The following MIAT variants were observed in gnomAD, a reference collection of about 807,000 sequenced individuals.
MIAT encodes the protein myocardial infarction associated transcript.
chr22:26,657,249 A>C (rs1367661441), intron 2 of MIAT: 3 of 356,504 alleles, frequency 8.4e-6, no homozygotes, highest in East Asian at 4.1e-5. Context: ...GGGATGCGGG[A>C]GGCTGAGCGC....
downstream of MIAT, chr22:26,672,960 G>T: frequency 2.5e-6 from 1 of 398,598 alleles, no homozygotes; most frequent in African/African-American, 2.1e-5. Flanking sequence ...CCCCTCTCTG[G>T]AGCCGAGAGA....
rs553989889 is a variant in MIAT at position 26,652,874 on chromosome 22, G to T, written n.646+5563G>T. Among the ~76,000 whole-genome samples, 4 of 152,276 alleles carry T rather than the reference G, an allele frequency of 2.6e-5. No homozygotes were observed. The South Asian group carries it at 8.3e-4, about 32-fold the overall frequency. On this transcript the variant is annotated intron_variant and non_coding_transcript_variant, in intron 2 of 5. Transcript: ENST00000643270. ...TCATGCAGAGCAGGAATACTGACGT[G>T]TCTCTTTGGGGTACTCTTATCTTAT...
chr22:26,673,772 G>C, downstream of MIAT: 1 of 398,692 alleles, frequency 2.5e-6, no homozygotes, highest in Non-Finnish European at 4.4e-6. Context: ...TCAGAAGTCG[G>C]TAAAGATGGT....
chr22:26,657,674 T>C (rs1478203122), intron 2 of MIAT: 5 of 398,656 alleles, frequency 1.3e-5, no homozygotes, highest in Admixed American at 8.8e-5. Context: ...CGCCCCATCC[T>C]AGAAGCCTTC....
chr22:26,648,558 TG>T (rs66800358), intron 2 of MIAT, among the ~76,000 whole-genome samples: 36,215 of 114,012 alleles, frequency 0.32, 4,631 homozygotes, highest in East Asian at 0.42. Flanking sequence ...GATGGGGTTT[TG>T]TTTTTTTTTT....
At chr22:26,672,019 C>T (rs1963778746), downstream of MIAT, 2 of 398,924 alleles carry the variant, frequency 5.0e-6, no homozygotes, top group South Asian at 1.3e-4. Flanking sequence ...CTGTAGGCAG[C>T]TCTTTTGTTC....
exon 5 of MIAT, chr22:26,674,658 AAG>A: frequency 2.5e-6 from 1 of 398,652 alleles, no homozygotes; most frequent in Non-Finnish European, 4.4e-6. Context: ...ATGTCTTAGA[AAG>A]AGCTTTGAGA....
downstream of MIAT, chr22:26,669,769 C>A (rs1930978783): frequency 2.5e-6 from 1 of 398,782 alleles, no homozygotes; most frequent in African/African-American, 2.1e-5. Context: ...AGGTACCATG[C>A]TGGGGTGGCT....
chr22:26,673,962 C>CA (rs1472976931), downstream of MIAT: 1 of 398,526 alleles, frequency 2.5e-6, no homozygotes, highest in African/African-American at 2.1e-5. Context: ...CTTATAGCTA[C>CA]AGTAGTTTGC....
chr22:26,672,669 C>A, downstream of MIAT: 3 of 398,948 alleles, frequency 7.5e-6, no homozygotes, highest in Non-Finnish European at 8.8e-6. Context: ...ACGAGGGGGG[C>A]GTATCCCACG....
intron 2 of MIAT, among the ~76,000 whole-genome samples, chr22:26,660,307 C>G (rs1009558983): frequency 1.3e-5 from 2 of 151,286 alleles, no homozygotes; most frequent in Non-Finnish European, 3.0e-5. Context: ...CCCTGTCTTA[C>G]TAAAAATACA....
At chr22:26,647,254 G>T in exon 2 of MIAT, 1 of 398,422 alleles carries the variant, frequency 2.5e-6, no homozygotes, top group Non-Finnish European at 4.4e-6. Flanking sequence ...TATGTGGAAG[G>T]CCTCCGGGGT....
downstream of MIAT, chr22:26,672,910 G>A (rs1931106175): frequency 2.5e-6 from 1 of 398,390 alleles, no homozygotes; most frequent in Non-Finnish European, 4.4e-6. Context: ...GTCAGTGAGA[G>A]GACTCTTTCC....
In MIAT at chr22:26,649,862, G is replaced by A. The variant is rs193262959; in HGVS notation, n.646+2551G>A. On this transcript the variant is annotated intron_variant and non_coding_transcript_variant, in intron 2 of 5. Coordinates refer to ENST00000643270, the Ensembl canonical transcript of MIAT. ...TGGGAGGCAGAGCTTGTAGTGAGCC[G>A]AGATCATGCCACTGCATTCCAGCCT... Among the ~76,000 whole-genome samples the A allele has an allele frequency of 3.1e-3, 470 of 152,302 alleles. 1 individual carries two copies. Among genetic ancestry groups the A allele is most frequent in the Non-Finnish European group, 5.3e-3 (358 of 68,020 alleles).
intron 2 of MIAT, among the ~76,000 whole-genome samples, chr22:26,647,952 C>T (rs756942233): frequency 1.3e-5 from 2 of 152,074 alleles, no homozygotes; most frequent in Non-Finnish European, 2.9e-5. Context: ...TGTAAAGTCT[C>T]CTGCAGAGCT....
rs58654108 is a variant in MIAT at position 26,661,917 on chromosome 22, C to CATATAT, written n.647-1359_647-1354dup. On this transcript the variant is annotated intron_variant and non_coding_transcript_variant, in intron 2 of 5. Transcript: ENST00000643270. The stretch of plus-strand genomic sequence containing the variant: ...ATATATATATGGATCTATATAGATC[C>CATATAT]ATATATATATATATATATATATATA... Among the ~76,000 whole-genome samples, 276 of 80,240 alleles carry CATATAT rather than the reference C, an allele frequency of 3.4e-3. 1 individual carries two copies. Among genetic ancestry groups the CATATAT allele is most frequent in the Middle Eastern group, 7.9e-3 (1 of 126 alleles). The allele number at this position is 80,240 out of a possible 152,430, so 52.6% of individuals were successfully genotyped here.
At chr22:26,665,460 C>G in intron 3 of MIAT, 1 of 398,680 alleles carries the variant, frequency 2.5e-6, no homozygotes, top group Non-Finnish European at 4.4e-6. Context: ...ACTCTAGGTC[C>G]ACAGAACGAG....
intron 2 of MIAT, chr22:26,650,365 C>T (rs1474199205): frequency 6.6e-6 from 1 of 152,206 alleles, no homozygotes; most frequent in Non-Finnish European, 1.5e-5. Context: ...TTAAGACACC[C>T]CAGTCTATGG....
At chr22:26,670,667 G>T (rs969017814), downstream of MIAT, 13 of 395,282 alleles carry the variant, frequency 3.3e-5, no homozygotes, top group Non-Finnish European at 5.3e-5. Context: ...CTGAAGTAGT[G>T]CAGGACTTAT....
Sources: gnomAD v4.1 joint callset for allele counts (sites outside exome capture counted in the v4.1 genomes callset) on GRCh38, gnomAD v4.1.1 for gene constraint, MANE v1.5 for transcripts, NCBI Gene and HGNC (gene_info 2026-07-23, HGNC 2026-07-21) for gene names.